DAB1: variants seen among roughly 807,000 people sequenced by gnomAD.
The protein encoded by DAB1 is disabled homolog 1.
DAB1 carries 15 observed loss-of-function variants against 64.6 expected under a neutral mutation model. The observed-to-expected ratio is 0.23, with a 90% CI of 0.16 to 0.36. The LOEUF is 0.36. Ranked by LOEUF, DAB1 falls within the 10% of genes least tolerant of loss-of-function variation. The pLI, the probability that DAB1 is intolerant of heterozygous loss-of-function variation, is 1.00. For missense variants in DAB1, 596 were observed against 706.7 expected (o/e 0.84, Z 1.78); for synonymous variants, 235 against 251.9 (o/e 0.93, Z 0.64).
intron 8 of DAB1, among the ~76,000 whole-genome samples, chr1:57,068,193 G>GT (rs1651111673): frequency 6.6e-6 from 1 of 152,064 alleles, no homozygotes; most frequent in Non-Finnish European, 1.5e-5. Context: ...TTGGTTAATG[G>GT]TTTTTTCCTC....
At chr1:58,056,431 T>A in intron 5 of DAB1, 1 of 1,548,472 alleles carries the variant, frequency 6.5e-7, no homozygotes, top group Non-Finnish European at 8.8e-7. Context: ...AGGCTGCACG[T>A]GGCCGCGGCC....
Position 57,992,359 on chromosome 1 carries a change from C to T in DAB1, n.388-108197G>A, listed in dbSNP as rs548589494. On this transcript the variant is annotated intron_variant and non_coding_transcript_variant, in intron 5 of 20. Coordinates refer to the DAB1 transcript ENST00000485760. ...AATTCATCAAGTTCCATAGATAGGA[C>T]TTGTGCACTTTTTCATATGTATGTG... Among the ~76,000 whole-genome samples, 12 of 152,268 alleles carry T rather than the reference C, an allele frequency of 7.9e-5. No individual in the cohort carries two copies. The South Asian group carries it at 2.5e-3, about 32-fold the overall frequency.
chr1:57,398,989 C>T (rs1032716570), intron 1 of DAB1, among the ~76,000 whole-genome samples: 15 of 152,180 alleles, frequency 9.9e-5, no homozygotes, highest in African/African-American at 2.4e-4. Flanking sequence ...GACTCCTGGC[C>T]GGGCTTTTGT....
chr1:57,369,567 G>GA (rs1229982931), intron 1 of DAB1, among the ~76,000 whole-genome samples: 1 of 152,132 alleles, frequency 6.6e-6, no homozygotes, highest in African/African-American at 2.4e-5. Context: ...TTATGATGCA[G>GA]AAAAAACAAC....
intron 3 of DAB1, among the ~76,000 whole-genome samples, chr1:58,452,541 G>A (rs1334711648): frequency 6.6e-6 from 1 of 151,870 alleles, no homozygotes; most frequent in African/African-American, 2.4e-5. Flanking sequence ...CAGGCGCAGT[G>A]GCTCACGCCT....
chr1:58,173,788 C>G (rs754048314), intron 4 of DAB1, among the ~76,000 whole-genome samples: 7 of 152,130 alleles, frequency 4.6e-5, no homozygotes, highest in Non-Finnish European at 1.0e-4. Context: ...TGGAAAGGCA[C>G]CTGCACCTTA....
intron 7 of DAB1, among the ~76,000 whole-genome samples, chr1:57,435,916 C>CTTTTT (rs1183686656): frequency 7.9e-5 from 10 of 127,196 alleles, no homozygotes; most frequent in Non-Finnish European, 1.2e-4. Context: ...TTTTTTCTTT[C>CTTTTT]TTTTTTTTTT....
chr1:57,401,987 ATAAT>A (rs962375565), intron 1 of DAB1, among the ~76,000 whole-genome samples: 52 of 152,218 alleles, frequency 3.4e-4, no homozygotes, highest in African/African-American at 1.2e-3. Flanking sequence ...ATGACATTGC[ATAAT>A]GACACCATTA....
At chr1:58,502,507 C>T (rs1645922515) in intron 3 of DAB1, among the ~76,000 whole-genome samples, 1 of 152,220 alleles carries the variant, frequency 6.6e-6, no homozygotes, top group African/African-American at 2.4e-5. Flanking sequence ...GTATTCTCAA[C>T]TGCCTTTGAG....
chr1:58,532,709 CT>C (rs1016977860), intron 1 of DAB1, among the ~76,000 whole-genome samples: 1 of 151,770 alleles, frequency 6.6e-6, no homozygotes, highest in Non-Finnish European at 1.5e-5. Context: ...TAAAATTTTT[CT>C]GTACAGACTG....
intron 2 of DAB1, among the ~76,000 whole-genome samples, chr1:57,233,507 T>G (rs971557303): frequency 6.6e-6 from 1 of 151,928 alleles, no homozygotes; most frequent in Non-Finnish European, 1.5e-5. Flanking sequence ...ACACCTGTAA[T>G]CCCAGCACTT....
intron 2 of DAB1, among the ~76,000 whole-genome samples, chr1:57,271,312 T>C (rs1670978020): frequency 1.3e-5 from 2 of 152,186 alleles, no homozygotes; most frequent in South Asian, 4.1e-4. Context: ...TGACTGTATG[T>C]GAAAAGCTGC....
chr1:57,197,444 C>T (rs1331135658), intron 2 of DAB1, among the ~76,000 whole-genome samples: 1 of 152,098 alleles, frequency 6.6e-6, no homozygotes, highest in East Asian at 1.9e-4. Context: ...TATTTAGCTC[C>T]TGCTATGTAC....
intron 7 of DAB1, among the ~76,000 whole-genome samples, chr1:57,630,741 G>C (rs1290959968): frequency 6.6e-6 from 1 of 152,136 alleles, no homozygotes. Flanking sequence ...AATATACTCT[G>C]CTATTTTACC....
chr1:57,932,319 T>C (rs1438370026), intron 5 of DAB1, among the ~76,000 whole-genome samples: 10 of 152,212 alleles, frequency 6.6e-5, no homozygotes, highest in Admixed American at 1.3e-4. Flanking sequence ...TGTTGTTGGA[T>C]AAAGTAGTCT....
chr1:58,414,081 T>C (rs1405499478), intron 3 of DAB1, among the ~76,000 whole-genome samples: 1 of 152,206 alleles, frequency 6.6e-6, no homozygotes, highest in Non-Finnish European at 1.5e-5. Flanking sequence ...CATATCTAAA[T>C]ATAGGAAAAG....
intron 1 of DAB1, among the ~76,000 whole-genome samples, chr1:57,334,790 C>A (rs906969927): frequency 2.6e-5 from 4 of 152,284 alleles, no homozygotes; most frequent in African/African-American, 4.8e-5. Flanking sequence ...GATGGGTGAA[C>A]CTGCCTAAGG....
At chr1:57,949,256 A>T (rs1000303912) in intron 5 of DAB1, among the ~76,000 whole-genome samples, 20 of 152,106 alleles carry the variant, frequency 1.3e-4, no homozygotes, top group African/African-American at 4.8e-4. Flanking sequence ...CACAGCCTAG[A>T]TCCCTTGCAT....
chr1:57,505,376 T>C (rs1445050262), intron 7 of DAB1, among the ~76,000 whole-genome samples: 3 of 152,176 alleles, frequency 2.0e-5, no homozygotes, highest in Non-Finnish European at 4.4e-5. Flanking sequence ...CCTTAAGTCA[T>C]AGTTAATAAA....
Sources: gnomAD v4.1 joint callset for allele counts (sites outside exome capture counted in the v4.1 genomes callset) on GRCh38, gnomAD v4.1.1 for gene constraint, MANE v1.5 for transcripts, NCBI Gene and HGNC (gene_info 2026-07-23, HGNC 2026-07-21) for gene names.